The following SLC39A11 variants were observed in gnomAD, a reference collection of about 807,000 sequenced individuals.
The protein encoded by SLC39A11 is solute carrier family 39 member 11, also known as zinc transporter ZIP11.
In SLC39A11, 33 loss-of-function variants were observed where a neutral mutation model predicts 36.1. The ratio of observed to expected loss-of-function variants is 0.91; its 90% CI spans 0.69 to 1.22. The LOEUF (loss-of-function observed/expected upper bound fraction) is 1.22. Among genes scored for constraint, SLC39A11 ranks in the 50% most tolerant of loss-of-function variants. The pLI, the probability that SLC39A11 is intolerant of heterozygous loss-of-function variation, is 0.00. For missense variants in SLC39A11, 432 were observed against 430.3 expected, an observed-to-expected ratio of 1.00 and a Z score of -0.03; for synonymous variants, 166 against 170.3, an observed-to-expected ratio of 0.97 and a Z score of 0.20.
intron 5 of SLC39A11, among the ~76,000 whole-genome samples, chr17:72,939,054 G>A (rs953428756): frequency 2.0e-5 from 3 of 152,210 alleles, no homozygotes; most frequent in African/African-American, 7.2e-5. Context: ...CGCCTCAGAC[G>A]AACCAAGCTC....
chr17:72,685,008 A>C (rs1318846090), intron 7 of SLC39A11, among the ~76,000 whole-genome samples: 1 of 152,216 alleles, frequency 6.6e-6, no homozygotes, highest in Non-Finnish European at 1.5e-5. Context: ...AATGGGCCAG[A>C]CACAAGATAC....
chr17:73,055,397 T>A (rs62073131), intron 3 of SLC39A11, among the ~76,000 whole-genome samples: 61,798 of 151,718 alleles, frequency 0.41, 13,086 homozygotes, highest in Non-Finnish European at 0.47. Context: ...GCCTGGGACA[T>A]AGACTAACTG....
At chr17:73,048,885 C>G (rs866557648) in intron 3 of SLC39A11, among the ~76,000 whole-genome samples, 5 of 152,148 alleles carry the variant, frequency 3.3e-5, no homozygotes, top group Middle Eastern at 3.4e-3. Flanking sequence ...GAATTTAAGC[C>G]CAATTTACCC....
chr17:72,996,404 T>C lies in SLC39A11; in HGVS notation c.306+35152A>G, dbSNP rs141422349. Among the ~76,000 whole-genome samples, 393 of 152,274 alleles carry C rather than the reference T, an allele frequency of 2.6e-3. 7 individuals carry two copies. Among genetic ancestry groups the C allele is most frequent in the Non-Finnish European group, 1.0e-3 (70 of 68,018 alleles). On this transcript the variant is annotated intron_variant, in intron 4 of 9. Transcript: ENST00000255559. ...ATCACCACAAACTGGGTGGCTTCAA[T>C]GACATAAATTTATCCTCTAAGAGTT...
At chr17:72,979,107 C>A (rs1289899990) in intron 4 of SLC39A11, among the ~76,000 whole-genome samples, 1 of 152,126 alleles carries the variant, frequency 6.6e-6, no homozygotes, top group Non-Finnish European at 1.5e-5. Flanking sequence ...GCAGTTTCCC[C>A]CATGCTGTTC....
chr17:72,710,053 T>C (rs532730236), intron 7 of SLC39A11, among the ~76,000 whole-genome samples: 1 of 152,256 alleles, frequency 6.6e-6, no homozygotes, highest in Non-Finnish European at 1.5e-5. Flanking sequence ...CTGGGTCATC[T>C]GTTCTGCCAA....
chr17:72,740,899 C>T (rs549300807), intron 6 of SLC39A11, among the ~76,000 whole-genome samples: 4 of 152,120 alleles, frequency 2.6e-5, no homozygotes, highest in African/African-American at 4.8e-5. Flanking sequence ...CTCAGCCTCC[C>T]GAGTAGCTGG....
At chr17:72,980,715 G>A (rs572374242) in intron 4 of SLC39A11, among the ~76,000 whole-genome samples, 33 of 152,084 alleles carry the variant, frequency 2.2e-4, no homozygotes, top group South Asian at 4.1e-4. Context: ...AGATTAAAGC[G>A]GCACCATATA....
At chr17:73,075,133 G>A (rs1451562054) in intron 3 of SLC39A11, among the ~76,000 whole-genome samples, 2 of 152,152 alleles carry the variant, frequency 1.3e-5, no homozygotes, top group East Asian at 3.9e-4. Flanking sequence ...TCAACTGCAT[G>A]CTTAATTTTA....
At position 72,750,720 on chromosome 17, in the gene SLC39A11, A is replaced by G. The variant is rs117974829; in HGVS notation, c.602-14001T>C. Among the ~76,000 whole-genome samples, 607 of 152,086 alleles carry G rather than the reference A, an allele frequency of 4.0e-3. 1 individual carries two copies. Among genetic ancestry groups the G allele is most frequent in the Non-Finnish European group, 7.5e-3 (507 of 67,980 alleles). ...CATGGAGGGCAGGCATCATACCACA[A>G]CGTATGTATCCAAGGGAGGGAGGGG... On this transcript the variant is annotated intron_variant, in intron 6 of 9. Coordinates refer to ENST00000255559, the MANE Select transcript of SLC39A11 (RefSeq NM_139177.4).
intron 5 of SLC39A11, among the ~76,000 whole-genome samples, chr17:72,942,053 G>GTAT: frequency 8.9e-6 from 1 of 112,706 alleles, no homozygotes; most frequent in South Asian, 3.8e-4. Flanking sequence ...GCTAATTTTT[G>GTAT]TATTATTATT....
chr17:72,694,038 T>A (rs1196079657), intron 7 of SLC39A11, among the ~76,000 whole-genome samples: 1 of 151,982 alleles, frequency 6.6e-6, no homozygotes, highest in African/African-American at 2.4e-5. Context: ...CCTTGCTCAG[T>A]CTGGGGCTGG....
intron 3 of SLC39A11, chr17:73,067,944 C>T (rs2060046013): frequency 1.9e-6 from 3 of 1,601,310 alleles, no homozygotes; most frequent in Non-Finnish European, 2.6e-6. Context: ...AGAGTTCCAA[C>T]TTCTTGGTCT....
At chr17:72,729,435 ATATATATATATATATATATATATTT>A (rs1438441670) in intron 7 of SLC39A11, among the ~76,000 whole-genome samples, 28 of 2,062 alleles carry the variant, frequency 0.014, 4 homozygotes, top group Admixed American at 0.039. Flanking sequence ...ATATATATAT[ATATATATATATATATATATATATTT>A]TTTTTTTTTT....
intron 5 of SLC39A11, among the ~76,000 whole-genome samples, chr17:72,856,794 C>T (rs1381982254): frequency 6.6e-6 from 1 of 152,138 alleles, no homozygotes; most frequent in Non-Finnish European, 1.5e-5. Context: ...AGTTCTCCTG[C>T]TTCGGCCTCC....
chr17:72,941,744 T>C (rs1197562173), intron 5 of SLC39A11, among the ~76,000 whole-genome samples: 4 of 152,236 alleles, frequency 2.6e-5, no homozygotes, highest in Non-Finnish European at 5.9e-5. Context: ...AAGGTATCTC[T>C]GCATTGTTTA....
intron 7 of SLC39A11, among the ~76,000 whole-genome samples, chr17:72,673,572 TG>T (rs1229502943): frequency 6.6e-6 from 1 of 152,238 alleles, no homozygotes; most frequent in Non-Finnish European, 1.5e-5. Flanking sequence ...TTTTTCTTTT[TG>T]CCTTTAGCCT....
chr17:72,983,299 G>A (rs886540015), intron 4 of SLC39A11, among the ~76,000 whole-genome samples: 20 of 152,112 alleles, frequency 1.3e-4, no homozygotes, highest in African/African-American at 4.8e-4. Context: ...ACAGGCAAGC[G>A]CCACCACAAC....
rs1028393508 is a variant in SLC39A11, at chr17:72,647,420, A to T, written c.*164T>A. On this transcript the variant is annotated 3_prime_UTR_variant, in exon 10 of 10. Coordinates refer to ENST00000255559, the MANE Select transcript of SLC39A11 (RefSeq NM_139177.4). ...TAAATCAAAAATCTCCCTCAAAGCA[A>T]AGTAAAAATGGTTCTATTATAATCA... is the stretch of plus-strand genomic sequence containing the variant. 4.1e-5 allele frequency: 20 copies of T among 485,236 alleles called. No homozygotes were observed. Among genetic ancestry groups the T allele is most frequent in the African/African-American group, 3.3e-4 (17 of 50,784 alleles). 30.1% of individuals were successfully genotyped at this position (485,236 alleles called of 1,614,324 possible).
Sources: allele counts gnomAD v4.1 joint callset (sites outside exome capture counted in the v4.1 genomes callset), GRCh38; gene constraint gnomAD v4.1.1; transcripts MANE v1.5; gene names NCBI Gene and HGNC (gene_info 2026-07-23, HGNC 2026-07-21).